ARHGEF7: variants seen among roughly 807,000 people sequenced by gnomAD.
The protein encoded by ARHGEF7 is Rho guanine nucleotide exchange factor 7, also known as PAK-interacting exchange factor beta.
A neutral mutation model predicts 109.8 loss-of-function variants in ARHGEF7; 33 were observed. The ratio of observed to expected loss-of-function variants is 0.30; its 90% CI spans 0.23 to 0.40. ARHGEF7 has a LOEUF of 0.40. Among genes scored for constraint, ARHGEF7 ranks in the 10% least tolerant of loss-of-function variants. The pLI is 1.00. For missense variants in ARHGEF7, 938 were observed against 1,098.5 expected (o/e 0.85, Z 2.07); for synonymous variants, 458 against 424.6 (o/e 1.08, Z -0.97).
At chr13:111,241,981 C>T (rs1486442992) in intron 6 of ARHGEF7, among the ~76,000 whole-genome samples, 1 of 152,176 alleles carries the variant, frequency 6.6e-6, no homozygotes, top group African/African-American at 2.4e-5. Flanking sequence ...TTTCGAGTAG[C>T]GTCTCTGGGG....
chr13:111,181,601 C>T (rs77676678), intron 2 of ARHGEF7, among the ~76,000 whole-genome samples: 15 of 152,226 alleles, frequency 9.9e-5, no homozygotes, highest in Admixed American at 8.5e-4. Context: ...AGTTTGCACT[C>T]GGTTCTGAGG....
chr13:111,293,398 A>G, intron 19 of ARHGEF7: 1 of 984,452 alleles, frequency 1.0e-6, no homozygotes, highest in Non-Finnish European at 1.2e-6. Context: ...ATTGAAGTTC[A>G]TTGAAGAATT....
rs1488987038 is a variant in ARHGEF7, at chr13:111,259,640, C to G, written c.951-7908C>G. Among the ~76,000 whole-genome samples, 4 of 152,092 alleles carry G rather than the reference C, an allele frequency of 2.6e-5. No individual in the cohort carries two copies. In the East Asian group the frequency reaches 7.7e-4, roughly 29 times the overall value. The stretch of plus-strand genomic sequence containing the variant: ...CCCTTTGAATACTGGAAAGCCTTCC[C>G]AAGAAGGATGGGTACAAACAAGCCT... On this transcript the variant is annotated intron_variant, in intron 8 of 21. Coordinates refer to ENST00000646102, the MANE Select transcript of ARHGEF7 (RefSeq NM_001354046.2).
At chr13:111,186,925 G>T in intron 2 of ARHGEF7, 11 of 985,608 alleles carry the variant, frequency 1.1e-5, no homozygotes, top group Non-Finnish European at 1.3e-5. Context: ...TCTTTTTGGG[G>T]TCTACTACGT....
chr13:111,151,774 G>A (rs889330864), intron 1 of ARHGEF7, among the ~76,000 whole-genome samples: 5 of 152,072 alleles, frequency 3.3e-5, no homozygotes, highest in African/African-American at 1.2e-4. Flanking sequence ...TCAGCACTAC[G>A]TTTGGGGGCC....
intron 1 of ARHGEF7, among the ~76,000 whole-genome samples, chr13:111,128,136 C>T (rs2067701145): frequency 6.6e-6 from 1 of 152,176 alleles, no homozygotes; most frequent in Non-Finnish European, 1.5e-5. Context: ...AGCTTTCCCC[C>T]TAAGATCAGG....
At chr13:111,235,025 G>C (rs1192829360) in intron 6 of ARHGEF7, among the ~76,000 whole-genome samples, 1 of 151,358 alleles carries the variant, frequency 6.6e-6, no homozygotes, top group Non-Finnish European at 1.5e-5. Flanking sequence ...ATGGGTTGTA[G>C]GAAAACTTGA....
At chr13:111,267,417 C>T (rs1396137674) in intron 8 of ARHGEF7, 131 bp from the exon 9 acceptor site, 13 of 1,208,174 alleles carry the variant, frequency 1.1e-5, no homozygotes, top group East Asian at 2.6e-5. Flanking sequence ...GTGCTGGGAT[C>T]GGGGCCTCTG....
chr13:111,284,910 C>G (rs1019886846), intron 16 of ARHGEF7, among the ~76,000 whole-genome samples: 3 of 152,214 alleles, frequency 2.0e-5, no homozygotes, highest in African/African-American at 7.2e-5. Context: ...TCAAGGCTCT[C>G]CATCTCAATT....
chr13:111,241,289 T>A, intron 6 of ARHGEF7: 1 of 1,535,912 alleles, frequency 6.5e-7, no homozygotes, highest in African/African-American at 1.4e-5. Context: ...TCTCATGGGG[T>A]CCTGCAGCAG....
intron 1 of ARHGEF7, among the ~76,000 whole-genome samples, chr13:111,120,854 T>C (rs2067153071): frequency 1.3e-5 from 2 of 152,190 alleles, no homozygotes; most frequent in African/African-American, 4.8e-5. Flanking sequence ...GCAGTTAGCT[T>C]TGCCCCAGGT....
chr13:111,186,693 A>G (rs2079293116), intron 2 of ARHGEF7: 1 of 422,790 alleles, frequency 2.4e-6, no homozygotes, highest in African/African-American at 2.2e-5. Context: ...ACCACACTCC[A>G]GAGCTGTGCT....
chr13:111,153,462 A>C (rs1255537762), intron 1 of ARHGEF7, among the ~76,000 whole-genome samples: 3 of 151,862 alleles, frequency 2.0e-5, no homozygotes, highest in African/African-American at 4.8e-5. Flanking sequence ...GGACAGGAGG[A>C]GGCGGCGGTG....
chr13:111,257,523 C>A (rs147295351), intron 8 of ARHGEF7, among the ~76,000 whole-genome samples: 29 of 152,316 alleles, frequency 1.9e-4, no homozygotes, highest in African/African-American at 6.7e-4. Flanking sequence ...GGAGGTGGAG[C>A]AAGATAGCCA....
rs547176728 is a variant in ARHGEF7 at position 111,245,278 on chromosome 13, G to C, written c.950+984G>C. Among the ~76,000 whole-genome samples, 6 of 152,222 alleles carry C rather than the reference G, an allele frequency of 3.9e-5. No homozygotes were observed. The East Asian group carries it at 7.7e-4, about 20-fold the overall frequency. The stretch of plus-strand genomic sequence containing the variant: ...TGACCAGGACCTTTTTTTGGTGCAA[G>C]TTTGGCTTTGGGAAGTGCTTTGGAA... On this transcript the variant is annotated intron_variant, in intron 8 of 21. Transcript: ENST00000646102.
In ARHGEF7 at chr13:111,145,638, C is replaced by T. The variant is rs551278634; in HGVS notation, c.166-8267C>T. The stretch of plus-strand genomic sequence containing the variant: ...CAGGGCTTTAAAGGCACCAGTGTGA[C>T]GGGGTGACACCCATACAGCCCACTG... On this transcript the variant is annotated intron_variant, in intron 1 of 21. Transcript: ENST00000646102. The surrounding 1 kb of genome is among the most constrained non-coding windows in gnomAD (Gnocchi z 4.3). 3.9e-5 allele frequency among the ~76,000 whole-genome samples: 6 copies of T among 152,296 alleles called. No homozygotes were observed. The highest frequency in any genetic ancestry group is 3.9e-4 in the East Asian group (2 of 5,186).
At chr13:111,167,569 TG>T (rs1229757467) in intron 2 of ARHGEF7, among the ~76,000 whole-genome samples, 1 of 152,262 alleles carries the variant, frequency 6.6e-6, no homozygotes, top group Non-Finnish European at 1.5e-5. Flanking sequence ...GCCCTGCATG[TG>T]TGACATGATA....
chr13:111,201,395 C>T (rs994287362), intron 2 of ARHGEF7, among the ~76,000 whole-genome samples: 14 of 152,150 alleles, frequency 9.2e-5, no homozygotes, highest in African/African-American at 2.7e-4. Flanking sequence ...GCAAGAGAAA[C>T]GAGGTCCAGT....
intron 2 of ARHGEF7, among the ~76,000 whole-genome samples, chr13:111,204,487 T>C (rs529873108): frequency 1.8e-4 from 27 of 152,364 alleles, no homozygotes; most frequent in African/African-American, 6.5e-4. Flanking sequence ...CTTTGGGCAG[T>C]ATCTGAGATG....
Sources: gnomAD v4.1 joint callset for allele counts (sites outside exome capture counted in the v4.1 genomes callset) on GRCh38, gnomAD v4.1.1 for gene constraint, Gnocchi (gnomAD v3.1) non-coding constraint, MANE v1.5 for transcripts, NCBI Gene and HGNC (gene_info 2026-07-23, HGNC 2026-07-21) for gene names.